The following GRXCR2 variants were observed in gnomAD, a reference collection of about 807,000 sequenced individuals.
GRXCR2 encodes the protein glutaredoxin domain-containing cysteine-rich protein 2.
Under a neutral mutation model 24.8 loss-of-function variants are expected in GRXCR2, and 23 were observed. The ratio of observed to expected loss-of-function variants is 0.93; its 90% CI spans 0.67 to 1.32. GRXCR2 has a LOEUF of 1.32. Ranked by LOEUF, GRXCR2 falls within the 40% of genes most tolerant of loss-of-function variation. The probability of loss-of-function intolerance (pLI) is 0.00; values close to 1 mark genes in which losing one functional copy is unlikely to be tolerated. For missense variants in GRXCR2, 315 were observed against 303.4 expected (o/e 1.04, Z -0.28); for synonymous variants, 130 against 116.1 (o/e 1.12, Z -0.77).
At chr5:145,875,450 A>C (rs558838670), upstream of GRXCR2, among the ~76,000 whole-genome samples, 7 of 151,932 alleles carry the variant, frequency 4.6e-5, no homozygotes, top group South Asian at 1.5e-3. Flanking sequence ...TCGGGAGGCT[A>C]GAGCAGGAGA....
chr5:145,861,704 A>G (rs1208451802), intron 2 of GRXCR2, among the ~76,000 whole-genome samples: 1 of 152,178 alleles, frequency 6.6e-6, no homozygotes, highest in Non-Finnish European at 1.5e-5. Context: ...ATGAACAATA[A>G]TATCTGGAGA....
intron 2 of GRXCR2, among the ~76,000 whole-genome samples, chr5:145,889,978 T>C (rs1361974416): frequency 6.6e-6 from 1 of 152,238 alleles, no homozygotes; most frequent in Admixed American, 6.5e-5. Context: ...AAAATACAAT[T>C]GAAAGCTTTG....
intron 1 of GRXCR2, among the ~76,000 whole-genome samples, chr5:145,868,293 G>A (rs1478477235): frequency 2.0e-5 from 3 of 152,108 alleles, no homozygotes; most frequent in Admixed American, 1.3e-4. Flanking sequence ...TTATAGGACT[G>A]TATAAACCAA....
chr5:145,871,394 C>T (rs1236665852), intron 1 of GRXCR2, among the ~76,000 whole-genome samples: 1 of 152,160 alleles, frequency 6.6e-6, no homozygotes, highest in Non-Finnish European at 1.5e-5. Context: ...TATTCTGACT[C>T]TGTACCCAAT....
intron 2 of GRXCR2, among the ~76,000 whole-genome samples, chr5:145,910,251 T>C (rs1192430359): frequency 5.9e-5 from 9 of 152,126 alleles, no homozygotes; most frequent in Admixed American, 4.6e-4. Flanking sequence ...CTTCTGAAAC[T>C]CGGGGTCCAG....
upstream of GRXCR2, among the ~76,000 whole-genome samples, chr5:145,877,368 T>C (rs925921315): frequency 2.1e-4 from 31 of 151,214 alleles, 1 homozygote; most frequent in African/African-American, 7.3e-4. Flanking sequence ...TTTTTTTTTT[T>C]CAGACAGAGT....
chr5:145,868,608 T>G (rs562398397), intron 1 of GRXCR2, among the ~76,000 whole-genome samples: 1 of 152,212 alleles, frequency 6.6e-6, no homozygotes, highest in Non-Finnish European at 1.5e-5. Flanking sequence ...GTTCCATTTC[T>G]ACTTCCAGTA....
In GRXCR2 at chr5:145,872,880, C is replaced by T. The variant is rs1464060343; in HGVS notation, c.89G>A (p.Arg30Gln). ...RFKISSSYSG[R>Q]VLKQVFEDGQ... ...ATCCTCAAAGACCTGCTTCAATACT[C>T]GACCGCTGTAGGAGGAGGAGATTTT... Residue 30 changes from arginine (R) to glutamine (Q), a missense_variant, in exon 1 of 3, where the codon CGA (arginine) becomes CAA (glutamine). Transcript: ENST00000377976. The T allele has an allele frequency of 8.1e-6, 13 of 1,614,016 alleles. No homozygotes were observed. The highest frequency in any genetic ancestry group is 2.2e-5 in the South Asian group (2 of 91,078).
At chr5:145,914,473 T>G (rs987435884) in intron 2 of GRXCR2, among the ~76,000 whole-genome samples, 11 of 151,838 alleles carry the variant, frequency 7.2e-5, no homozygotes, top group Non-Finnish European at 1.6e-4. Context: ...GTCAGGAGTT[T>G]GAGACCAGCC....
intron 2 of GRXCR2, among the ~76,000 whole-genome samples, chr5:145,900,544 A>C (rs761107473): frequency 6.6e-6 from 1 of 152,216 alleles, no homozygotes; most frequent in Non-Finnish European, 1.5e-5. Flanking sequence ...AAAAATGCTC[A>C]TTCTCACTAA....
At chr5:145,904,766 T>A (rs1259568036) in intron 2 of GRXCR2, among the ~76,000 whole-genome samples, 1 of 152,222 alleles carries the variant, frequency 6.6e-6, no homozygotes, top group Non-Finnish European at 1.5e-5. Flanking sequence ...TTCCCTCTCA[T>A]GGTTCTGCAG....
downstream of GRXCR2, among the ~76,000 whole-genome samples, chr5:145,858,336 A>T (rs866031728): frequency 2.7e-5 from 4 of 150,604 alleles, no homozygotes; most frequent in South Asian, 8.4e-4. Context: ...AAAAAAAAGC[A>T]GAATACACTC....
chr5:145,871,545 C>T (rs568091572), intron 1 of GRXCR2, among the ~76,000 whole-genome samples: 2 of 152,262 alleles, frequency 1.3e-5, no homozygotes, highest in African/African-American at 4.8e-5. Context: ...AGAGATAGTA[C>T]ATGATGACAC....
intron 2 of GRXCR2, among the ~76,000 whole-genome samples, chr5:145,889,172 A>AAAGAAAGAAAGAAAGAAAG (rs1554105330): frequency 2.5e-3 from 208 of 84,024 alleles, no homozygotes; most frequent in Middle Eastern, 6.0e-3. Flanking sequence ...CTGTCTCAAA[A>AAAGAAAGAAAGAAAGAAAG]AAAGAAAGAA....
intron 2 of GRXCR2, among the ~76,000 whole-genome samples, chr5:145,896,992 G>A (rs936864920): frequency 2.0e-5 from 3 of 151,980 alleles, no homozygotes; most frequent in Non-Finnish European, 4.4e-5. Context: ...TAGGGACATG[G>A]ATGAAGCTGG....
chr5:145,863,590 A>G (rs1025272447), intron 2 of GRXCR2, among the ~76,000 whole-genome samples: 1 of 152,332 alleles, frequency 6.6e-6, no homozygotes. Flanking sequence ...ATAGAATTAA[A>G]AAATTTTATA....
intron 2 of GRXCR2, among the ~76,000 whole-genome samples, chr5:145,881,645 T>A (rs2149915612): frequency 6.6e-6 from 1 of 152,288 alleles, no homozygotes; most frequent in South Asian, 2.1e-4. Context: ...CCAATGACCT[T>A]CTTCACAGAA....
chr5:145,875,628 C>T (rs763455696), upstream of GRXCR2, among the ~76,000 whole-genome samples: 2 of 151,944 alleles, frequency 1.3e-5, no homozygotes, highest in Admixed American at 6.6e-5. Flanking sequence ...GGAGAGGTGT[C>T]ACAGTTGTAA....
chr5:145,896,828 T>C (rs1756957088), intron 2 of GRXCR2, among the ~76,000 whole-genome samples: 1 of 152,072 alleles, frequency 6.6e-6, no homozygotes, highest in Non-Finnish European at 1.5e-5. Context: ...TAAAGACACA[T>C]GCACACGTAT....
Sources: gnomAD v4.1 joint callset for allele counts (sites outside exome capture counted in the v4.1 genomes callset) on GRCh38, gnomAD v4.1.1 for gene constraint, MANE v1.5 for transcripts, NCBI Gene and HGNC (gene_info 2026-07-23, HGNC 2026-07-21) for gene names.